Variants in VSTM1 observed in about 807,000 individuals in gnomAD.
VSTM1 encodes V-set and transmembrane domain-containing protein 1.
A neutral mutation model predicts 33.1 loss-of-function variants in VSTM1; 27 were observed. That is an observed-to-expected ratio of 0.82 (90% confidence interval 0.60 to 1.12). The LOEUF (loss-of-function observed/expected upper bound fraction) is 1.12. Ranked by LOEUF, VSTM1 falls within the 50% of genes most tolerant of loss-of-function variation. The pLI is 0.00. For missense variants in VSTM1, 304 were observed against 288.9 expected, an observed-to-expected ratio of 1.05 and a Z score of -0.38; for synonymous variants, 115 against 110.3, an observed-to-expected ratio of 1.04 and a Z score of -0.27.
chr19:54,063,429 C>T (rs1273645655), intron 1 of VSTM1, among the ~76,000 whole-genome samples: 1 of 152,168 alleles, frequency 6.6e-6, no homozygotes, highest in East Asian at 1.9e-4. Flanking sequence ...CTGTAGATCC[C>T]TAAGCCCAGC....
At chr19:54,049,178 C>A (rs1421104086) in intron 4 of VSTM1, among the ~76,000 whole-genome samples, 3 of 152,134 alleles carry the variant, frequency 2.0e-5, no homozygotes, top group South Asian at 4.1e-4. Flanking sequence ...AGAAATGAAA[C>A]ATTGATGCAT....
At chr19:54,051,293 A>T in intron 4 of VSTM1, 117 bp downstream of exon 4, 1 of 1,012,844 alleles carries the variant, frequency 9.9e-7, no homozygotes, top group South Asian at 1.6e-5. Context: ...CTCTATCTCA[A>T]AAAACAAACA....
At chr19:54,044,601 A>G (rs2070478977) in intron 4 of VSTM1, among the ~76,000 whole-genome samples, 1 of 152,210 alleles carries the variant, frequency 6.6e-6, no homozygotes, top group South Asian at 2.1e-4. Context: ...CCAATTAAAA[A>G]ACAAAAACAA....
At position 54,063,867 on chromosome 19, in the gene VSTM1, CCCGGT is replaced by C; in HGVS notation, c.-95_-91del. ...TGGGCCGGCCGCAGCTCTCCGGCTG[CCCGGT>C]TCGTCCCCAGGATGTGCAGATAGAG... On this transcript the variant is annotated 5_prime_UTR_variant, in exon 1 of 9. Transcript: ENST00000338372. 1 of 1,429,860 alleles carries C rather than the reference CCCGGT, an allele frequency of 7.0e-7. No homozygotes were observed. Among genetic ancestry groups the C allele is most frequent in the Non-Finnish European group, 9.6e-7 (1 of 1,044,492 alleles). The allele number at this position is 1,429,860 out of a possible 1,614,324, so 88.6% of individuals were successfully genotyped here.
chr19:54,057,871 G>A (rs1052788752), intron 3 of VSTM1, among the ~76,000 whole-genome samples: 13 of 151,486 alleles, frequency 8.6e-5, no homozygotes, highest in East Asian at 2.0e-4. Flanking sequence ...TTGGGAGGCC[G>A]AGGCAGATGG....
At chr19:54,059,000 T>G (rs1006774639) in intron 1 of VSTM1, among the ~76,000 whole-genome samples, 4 of 149,528 alleles carry the variant, frequency 2.7e-5, no homozygotes, top group Non-Finnish European at 3.0e-5. Context: ...TTACTTTTGT[T>G]CCATTGTTTG....
At chr19:54,057,778 C>T (rs1189153583) in intron 3 of VSTM1, among the ~76,000 whole-genome samples, 5 of 147,760 alleles carry the variant, frequency 3.4e-5, no homozygotes, top group African/African-American at 1.2e-4. Flanking sequence ...CACTGTACTC[C>T]AGCCTGGGCA....
chr19:54,059,142 C>T (rs187648972), intron 1 of VSTM1, among the ~76,000 whole-genome samples: 1 of 149,710 alleles, frequency 6.7e-6, no homozygotes, highest in Admixed American at 6.8e-5. Flanking sequence ...TTCACTGCAA[C>T]CTCCGCCTCC....
At chr19:54,058,840 T>C (rs2071242250) in intron 1 of VSTM1, 108 bp from the exon 2 acceptor site, 5 of 515,382 alleles carry the variant, frequency 9.7e-6, no homozygotes, top group Non-Finnish European at 1.6e-5. Flanking sequence ...TATATATATA[T>C]ATAATGTATA....
intron 4 of VSTM1, among the ~76,000 whole-genome samples, chr19:54,042,710 C>A (rs2070351323): frequency 6.8e-6 from 1 of 147,706 alleles, no homozygotes; most frequent in Non-Finnish European, 1.5e-5. Flanking sequence ...TTATTGTGAG[C>A]CAGCTCTGTT....
intron 2 of VSTM1, 26 bp from the exon 3 acceptor site, chr19:54,058,616 A>G: frequency 6.2e-7 from 1 of 1,613,118 alleles, no homozygotes; most frequent in Non-Finnish European, 8.5e-7. Flanking sequence ...AGTTAATTTG[A>G]GTCTAGAATT....
intron 6 of VSTM1, 79 bp downstream of exon 6, chr19:54,042,090 G>T (rs2070310627): frequency 6.2e-7 from 1 of 1,608,228 alleles, no homozygotes; most frequent in South Asian, 1.1e-5. Flanking sequence ...GGCTCAGGGT[G>T]CCAATCCCGG....
chr19:54,059,059 C>CTTTTTTT (rs68002308), intron 1 of VSTM1, among the ~76,000 whole-genome samples: 2 of 104,218 alleles, frequency 1.9e-5, no homozygotes, highest in Non-Finnish European at 3.7e-5. Context: ...CTTCTTCTTT[C>CTTTTTTT]TTTTTTTTTT....
intron 4 of VSTM1, among the ~76,000 whole-genome samples, chr19:54,043,049 T>C (rs58576363): frequency 0.11 from 16,543 of 148,822 alleles, 1,203 homozygotes; most frequent in African/African-American, 0.21. Context: ...ATGGGGTGAG[T>C]AGAAAAGCTA....
At chr19:54,044,351 G>C (rs553427105) in intron 4 of VSTM1, among the ~76,000 whole-genome samples, 245 of 152,260 alleles carry the variant, frequency 1.6e-3, no homozygotes, top group Non-Finnish European at 2.9e-3. Flanking sequence ...TTGAGGTCTG[G>C]AGTTCGAGAC....
At chr19:54,055,359 A>G (rs560402528) in intron 3 of VSTM1, 1 of 142,450 alleles carries the variant, frequency 7.0e-6, no homozygotes, top group Non-Finnish European at 1.6e-5. Context: ...CCTAATCTCT[A>G]TGAGCAAAAA....
intron 1 of VSTM1, among the ~76,000 whole-genome samples, chr19:54,062,525 C>G (rs1469077610): frequency 6.6e-6 from 1 of 151,930 alleles, no homozygotes; most frequent in African/African-American, 2.4e-5. Context: ...GAGTTTGAGA[C>G]CAGCCTGGCC....
chr19:54,060,327 G>T (rs1171899612), intron 1 of VSTM1, among the ~76,000 whole-genome samples: 3 of 152,120 alleles, frequency 2.0e-5, no homozygotes, highest in Non-Finnish European at 4.4e-5. Flanking sequence ...CTTAAACTTG[G>T]GTGGAAAATG....
intron 1 of VSTM1, 128 bp downstream of exon 1, chr19:54,063,616 C>A (rs528644184): frequency 1.7e-6 from 2 of 1,198,272 alleles, no homozygotes; most frequent in African/African-American, 1.5e-5. Context: ...AGCCCAGACC[C>A]ACCCACCGCA....
Sources: allele counts gnomAD v4.1 joint callset (sites outside exome capture counted in the v4.1 genomes callset), GRCh38; gene constraint gnomAD v4.1.1; transcripts MANE v1.5; gene names NCBI Gene and HGNC (gene_info 2026-07-23, HGNC 2026-07-21).